The following DOP1A variants were observed in gnomAD, a reference collection of about 807,000 sequenced individuals.
DOP1A encodes the protein DOP1 leucine zipper like protein A, also known as protein DOP1A.
In DOP1A, 90 loss-of-function variants were observed where a neutral mutation model predicts 267.6. The ratio of observed to expected loss-of-function variants is 0.34; its 90% CI spans 0.28 to 0.40. The LOEUF (loss-of-function observed/expected upper bound fraction) is 0.40, where lower values mean the gene tolerates loss of function less well. Ranked by LOEUF, DOP1A falls within the 10% of genes least tolerant of loss-of-function variation. The pLI is 1.00. For synonymous variants in DOP1A, 932 were observed against 999.1 expected (o/e 0.93, Z 1.27); for missense variants, 2,437 against 2,900.4 (o/e 0.84, Z 3.67).
chr6:83,068,196 T>C (rs1785016827), intron 1 of DOP1A, among the ~76,000 whole-genome samples: 1 of 152,134 alleles, frequency 6.6e-6, no homozygotes, highest in Non-Finnish European at 1.5e-5. Context: ...AATCGAGGCG[T>C]TGTGCCTTCT....
At chr6:83,128,623 G>T (rs982282842) in intron 15 of DOP1A, among the ~76,000 whole-genome samples, 4 of 152,140 alleles carry the variant, frequency 2.6e-5, no homozygotes, top group African/African-American at 9.7e-5. Flanking sequence ...AGATGAAATA[G>T]TCATTTGAAA....
intron 24 of DOP1A, 65 bp from the exon 25 acceptor site, chr6:83,145,459 C>G: frequency 7.5e-7 from 1 of 1,336,040 alleles, no homozygotes; most frequent in Non-Finnish European, 1.0e-6. Context: ...AAAATACTCT[C>G]TTCTGTAACT....
intron 7 of DOP1A, among the ~76,000 whole-genome samples, chr6:83,118,682 G>A (rs1348721657): frequency 6.6e-6 from 1 of 152,114 alleles, no homozygotes; most frequent in African/African-American, 2.4e-5. Context: ...TATAGTTTCA[G>A]TTATGCAGCT....
chr6:83,145,155 T>C (rs1328921241), intron 24 of DOP1A, among the ~76,000 whole-genome samples: 1 of 103,408 alleles, frequency 9.7e-6, no homozygotes, highest in Non-Finnish European at 1.9e-5. Flanking sequence ...ATTTTACTTT[T>C]ATATATATAA....
intron 9 of DOP1A, among the ~76,000 whole-genome samples, chr6:83,120,248 A>C (rs1329825388): frequency 6.6e-6 from 1 of 151,914 alleles, no homozygotes; most frequent in Non-Finnish European, 1.5e-5. Context: ...TATTTGAAAT[A>C]GAAGAAAATA....
intron 35 of DOP1A, among the ~76,000 whole-genome samples, 169 bp from the exon 36 acceptor site, chr6:83,158,398 C>T (rs947643975): frequency 5.3e-5 from 8 of 152,030 alleles, no homozygotes; most frequent in Non-Finnish European, 8.8e-5. Context: ...TAGCAAGGCT[C>T]TGTGTGGCTA....
At chr6:83,078,270 A>G (rs1036969753) in intron 1 of DOP1A, among the ~76,000 whole-genome samples, 6 of 152,224 alleles carry the variant, frequency 3.9e-5, no homozygotes, top group Non-Finnish European at 2.9e-5. Flanking sequence ...GAAAATGAAT[A>G]TCACAATTAT....
intron 6 of DOP1A, among the ~76,000 whole-genome samples, chr6:83,112,324 C>G (rs1774697733): frequency 6.6e-6 from 1 of 151,688 alleles, no homozygotes; most frequent in East Asian, 1.9e-4. Flanking sequence ...AGAGTTTAAA[C>G]TACACCAAGC....
In DOP1A at chr6:83,157,078, T is replaced by G; in HGVS notation, c.6605-104T>G. On this transcript the variant is annotated intron_variant, in intron 34 of 38. Transcript: ENST00000349129. ...CAACAGTTTTGAATTTTTTTAAAGT[T>G]TATCCTTTACTACAGATAGTTTGAG... The G allele has an allele frequency of 2.6e-6, 3 of 1,151,772 alleles. No individual in the cohort carries two copies. In the Admixed American group the frequency reaches 8.6e-5, roughly 33 times the overall value. The allele number at this position is 1,151,772 out of a possible 1,614,324, so 71.3% of individuals were successfully genotyped here.
intron 32 of DOP1A, 61 bp downstream of exon 32, chr6:83,154,104 A>T: frequency 6.2e-7 from 1 of 1,611,900 alleles, no homozygotes; most frequent in Non-Finnish European, 8.5e-7. Flanking sequence ...GAAATCAGCT[A>T]CTCCCCTGGA....
intron 4 of DOP1A, among the ~76,000 whole-genome samples, chr6:83,104,166 C>T (rs1433441119): frequency 2.0e-5 from 3 of 152,096 alleles, no homozygotes; most frequent in Non-Finnish European, 4.4e-5. Context: ...TATTCAGACA[C>T]TTTGTCAAGT....
intron 15 of DOP1A, among the ~76,000 whole-genome samples, chr6:83,126,401 G>T (rs1041442203): frequency 1.3e-5 from 2 of 151,994 alleles, no homozygotes; most frequent in Admixed American, 1.3e-4. Context: ...TTTCACCGGG[G>T]ACCCGTCCCT....
At chr6:83,086,491 C>A (rs1769270949) in intron 1 of DOP1A, among the ~76,000 whole-genome samples, 1 of 152,082 alleles carries the variant, frequency 6.6e-6, no homozygotes, top group South Asian at 2.1e-4. Flanking sequence ...AAGAAACGGA[C>A]CCATGCAACT....
At chr6:83,155,241 T>G in intron 33 of DOP1A, among the ~76,000 whole-genome samples, 1 of 150,810 alleles carries the variant, frequency 6.6e-6, no homozygotes, top group South Asian at 2.1e-4. Flanking sequence ...GCACTAGGAT[T>G]GTTTGAGGCC....
chr6:83,134,084 G>T, intron 18 of DOP1A, 103 bp from the exon 19 acceptor site: 2 of 780,950 alleles, frequency 2.6e-6, no homozygotes, highest in Non-Finnish European at 3.9e-6. Context: ...TATTGTGGAC[G>T]TTGAACGTAA....
chr6:83,140,179 T>G (rs749747219), intron 22 of DOP1A, 42 bp from the exon 23 acceptor site: 8 of 1,605,500 alleles, frequency 5.0e-6, no homozygotes, highest in Non-Finnish European at 6.0e-6. Flanking sequence ...CATTTGTAAA[T>G]CTCAGTAAGT....
At chr6:83,127,413 G>C (rs912313643) in intron 15 of DOP1A, among the ~76,000 whole-genome samples, 1 of 152,240 alleles carries the variant, frequency 6.6e-6, no homozygotes, top group East Asian at 1.9e-4. Flanking sequence ...TTTTGCAAAG[G>C]CTCTTAGGCA....
rs757094847 is a variant in DOP1A, at chr6:83,124,773, C to A, written c.1409C>A (p.Thr470Asn). ...DSNDSSELQLTNFCLLVDFLL... is the reference protein window; with the variant it reads ...DSNDSSELQLNNFCLLVDFLL... ...AATGACTCATCTGAATTACAGCTGACCAATTTCTGCTTACTGGTGGATTTT... is the reference window on the plus strand; with the variant it reads ...AATGACTCATCTGAATTACAGCTGAACAATTTCTGCTTACTGGTGGATTTT... The change falls in exon 13 of 39, where the codon ACC becomes AAC. Residue 470 changes from threonine to asparagine, a missense_variant. Physicochemically the swap from Thr to Asn is moderately conservative, Grantham distance 65 (BLOSUM62 0). This residue lies in a region of DOP1A where 498 missense variants were observed against 513.5 expected (regional missense o/e 0.97). Coordinates refer to ENST00000349129, the MANE Select transcript of DOP1A (RefSeq NM_015018.4). 1 of 1,613,116 alleles carries A rather than the reference C, an allele frequency of 6.2e-7. No homozygotes were observed. The highest frequency in any genetic ancestry group is 8.5e-7 in the Non-Finnish European group (1 of 1,179,564).
intron 27 of DOP1A, among the ~76,000 whole-genome samples, chr6:83,149,639 G>GGA (rs1781242203): frequency 6.6e-6 from 1 of 152,144 alleles, no homozygotes; most frequent in South Asian, 2.1e-4. Flanking sequence ...AGGTTTTTGA[G>GGA]GAGAGACATG....
Sources: gnomAD v4.1 joint callset for allele counts (sites outside exome capture counted in the v4.1 genomes callset) on GRCh38, gnomAD v4.1.1 for gene constraint, gnomAD v4.1.1 regional missense constraint, MANE v1.5 for transcripts, NCBI Gene and HGNC (gene_info 2026-07-23, HGNC 2026-07-21) for gene names.